AGAP1: variants seen among roughly 807,000 people sequenced by gnomAD.
The protein encoded by AGAP1 is arf-GAP with GTPase, ANK repeat and PH domain-containing protein 1.
A neutral mutation model predicts 105.3 loss-of-function variants in AGAP1; 29 were observed. The ratio of observed to expected loss-of-function variants is 0.28; its 90% CI spans 0.21 to 0.38. The LOEUF (loss-of-function observed/expected upper bound fraction) is 0.38. Among genes scored for constraint, AGAP1 ranks in the 10% least tolerant of loss-of-function variants. The pLI is 1.00. For missense variants in AGAP1, 998 were observed against 1,165.1 expected, an observed-to-expected ratio of 0.86 and a Z score of 2.09; for synonymous variants, 509 against 485.9, an observed-to-expected ratio of 1.05 and a Z score of -0.63.
intron 1 of AGAP1, among the ~76,000 whole-genome samples, chr2:235,579,114 G>T (rs1057325916): frequency 2.0e-5 from 3 of 152,180 alleles, no homozygotes; most frequent in South Asian, 2.1e-4. Flanking sequence ...TGTCACAGTG[G>T]AGCGCTCATT....
At position 235,752,829 on chromosome 2, in the gene AGAP1, C is replaced by T. The variant is rs1264001492; in HGVS notation, c.673+2341C>T. 6.6e-6 allele frequency among the ~76,000 whole-genome samples: 1 copy of T among 152,168 alleles called. No homozygotes were observed. Among genetic ancestry groups the T allele is most frequent in the African/African-American group, 2.4e-5 (1 of 41,428 alleles). On this transcript the variant is annotated intron_variant, in intron 6 of 17. Transcript: ENST00000304032. This position sits in a 1 kb window ranked among gnomAD's most constrained non-coding sequence, Gnocchi z 4.3. ...TGATGCTGCCTTCCTGCCAAACAGC[C>T]TTTGTACGTTCTGGCTGCTCTAACA...
At chr2:235,502,790 T>G (rs1208388787) in intron 1 of AGAP1, among the ~76,000 whole-genome samples, 1 of 151,492 alleles carries the variant, frequency 6.6e-6, no homozygotes, top group Non-Finnish European at 1.5e-5. Flanking sequence ...TCACAAATGA[T>G]TTATGTTTGG....
rs938788620 is a variant in AGAP1 at position 235,744,419 on chromosome 2, C to T, written c.397-279C>T. On this transcript the variant is annotated intron_variant, in intron 4 of 17. Transcript: ENST00000304032. This position sits in a 1 kb window ranked among gnomAD's most constrained non-coding sequence, Gnocchi z 5.2. Reference sequence around the variant, plus strand: ...GGACAGGCCAGGAGCATGAGGACCGCGGGGACACTGTGTGGTTTGTGTCCT... The same window carrying T: ...GGACAGGCCAGGAGCATGAGGACCGTGGGGACACTGTGTGGTTTGTGTCCT... Among the ~76,000 whole-genome samples, 2 of 152,102 alleles carry T rather than the reference C, an allele frequency of 1.3e-5. No homozygotes were observed. The highest frequency in any genetic ancestry group is 4.8e-5 in the African/African-American group (2 of 41,422).
In AGAP1 at chr2:235,724,461, G is replaced by A; in HGVS notation, c.310+6817G>A. On this transcript the variant is annotated intron_variant, in intron 3 of 17. Transcript: ENST00000304032. The surrounding 1 kb of genome is among the most constrained non-coding windows in gnomAD (Gnocchi z 4.9). The stretch of plus-strand genomic sequence containing the variant: ...CTCATTCATTTTCCCGATAGAATAT[G>A]ATAGCTGAGGTAGCTGGAAGAGTAT... 6.6e-6 allele frequency among the ~76,000 whole-genome samples: 1 copy of A among 152,196 alleles called. No homozygotes were observed. The highest frequency in any genetic ancestry group is 6.5e-5 in the Admixed American group (1 of 15,282).
chr2:235,531,872 A>G (rs977953252), intron 1 of AGAP1, among the ~76,000 whole-genome samples: 1 of 152,050 alleles, frequency 6.6e-6, no homozygotes, highest in Non-Finnish European at 1.5e-5. Flanking sequence ...TTGGCCTCCC[A>G]AAATGCTGGG....
intron 11 of AGAP1, among the ~76,000 whole-genome samples, chr2:235,921,336 C>T (rs931124746): frequency 6.6e-6 from 1 of 152,160 alleles, no homozygotes; most frequent in African/African-American, 2.4e-5. Flanking sequence ...TATATCTTTT[C>T]TGTGGCCATA....
chr2:235,595,368 T>G (rs1945491875), intron 1 of AGAP1, among the ~76,000 whole-genome samples: 1 of 152,182 alleles, frequency 6.6e-6, no homozygotes, highest in Non-Finnish European at 1.5e-5. Flanking sequence ...ATAGGTCCAG[T>G]GGGCACTGAA....
rs1282605540 is a variant in AGAP1 at position 236,087,615 on chromosome 2, G to A, written c.2115-32577G>A. Among the ~76,000 whole-genome samples, 1 of 152,176 alleles carries A rather than the reference G, an allele frequency of 6.6e-6. No individual in the cohort carries two copies. The highest frequency in any genetic ancestry group is 1.5e-5 in the Non-Finnish European group (1 of 68,038). ...GTTCTGAATCAGGCCCCTTGGTTAAGCGTGATAACATGATCACCTGGTGTT... is the reference window on the plus strand; with the variant it reads ...GTTCTGAATCAGGCCCCTTGGTTAAACGTGATAACATGATCACCTGGTGTT... On this transcript the variant is annotated intron_variant, in intron 16 of 17. Transcript: ENST00000304032. The surrounding 1 kb of genome is among the most constrained non-coding windows in gnomAD (Gnocchi z 5.7).
At chr2:235,942,779 G>A (rs1044288761) in intron 12 of AGAP1, among the ~76,000 whole-genome samples, 1 of 152,068 alleles carries the variant, frequency 6.6e-6, no homozygotes, top group Admixed American at 6.6e-5. Context: ...GTTTGCAGCT[G>A]CAAATTTTCA....
At chr2:235,950,960 A>G (rs2053712154) in intron 12 of AGAP1, among the ~76,000 whole-genome samples, 1 of 146,240 alleles carries the variant, frequency 6.8e-6, no homozygotes, top group Non-Finnish European at 1.5e-5. Flanking sequence ...TAAAAATAAT[A>G]TGATAAAACT....
In AGAP1 at chr2:235,659,444, C is replaced by T. The variant is rs1407005454; in HGVS notation, c.164-49735C>T. Among the ~76,000 whole-genome samples, 1 of 152,160 alleles carries T rather than the reference C, an allele frequency of 6.6e-6. No homozygotes were observed. The highest frequency in any genetic ancestry group is 1.5e-5 in the Non-Finnish European group (1 of 68,032). ...CGTCAGCTGGGCAGGCTGAGCCTGT[C>T]ACCTTTTTCAAAATTTCCAACAACT... is the stretch of plus-strand genomic sequence containing the variant. On this transcript the variant is annotated intron_variant, in intron 1 of 17. Transcript: ENST00000304032. This position sits in a 1 kb window ranked among gnomAD's most constrained non-coding sequence, Gnocchi z 5.0.
rs1284107017 is a variant in AGAP1, at chr2:235,610,575, C to T, written c.164-98604C>T. ...CCCATCCTTATGACCTTGTCCAACC[C>T]TAATTACCTTCCAAAGATCCCACCT... On this transcript the variant is annotated intron_variant, in intron 1 of 17. Coordinates refer to ENST00000304032, the MANE Select transcript of AGAP1 (RefSeq NM_001037131.3). This position sits in a 1 kb window ranked among gnomAD's most constrained non-coding sequence, Gnocchi z 4.9. Among the ~76,000 whole-genome samples the T allele has an allele frequency of 1.3e-5, 2 of 152,150 alleles. No homozygotes were observed. The highest frequency in any genetic ancestry group is 1.3e-4 in the Admixed American group (2 of 15,268).
chr2:235,744,579 C>T lies in AGAP1; in HGVS notation c.397-119C>T. 8.1e-7 allele frequency: 1 copy of T among 1,239,246 alleles called. No homozygotes were observed. Among genetic ancestry groups the T allele is most frequent in the Middle Eastern group, 2.7e-4 (1 of 3,704 alleles). 76.8% of individuals were successfully genotyped at this position (1,239,246 alleles called of 1,614,324 possible). A position where few individuals can be genotyped will look rare whatever the true frequency, so the allele number is the denominator to read the frequency against. The stretch of plus-strand genomic sequence containing the variant: ...AAGTGACAGTCAAAAGTCAAGCACC[C>T]AGTGTGTGACCGAGGGGATTCCTGC... On this transcript the variant is annotated intron_variant, in intron 4 of 17. Transcript: ENST00000304032. This position sits in a 1 kb window ranked among gnomAD's most constrained non-coding sequence, Gnocchi z 5.2.
chr2:236,123,915 G>C lies in AGAP1; in HGVS notation c.2371-4G>C, dbSNP rs749694049. The C allele has an allele frequency of 3.7e-6, 6 of 1,612,214 alleles. No homozygotes were observed. The highest frequency in any genetic ancestry group is 5.1e-6 in the Non-Finnish European group (6 of 1,179,742). On this transcript the variant is annotated splice_polypyrimidine_tract_variant and splice_region_variant and intron_variant, in intron 17 of 17. Transcript: ENST00000304032. This position sits in a 1 kb window ranked among gnomAD's most constrained non-coding sequence, Gnocchi z 4.6. ...TACTAATGTGGGCTCCCTTACCTCC[G>C]CAGTACGGAGTGGACGTCACGGCCC...
rs150140363 is a variant in AGAP1 at position 235,988,894 on chromosome 2, G to A, written c.1645+20271G>A. ...CCCCCAGCAGGTAACTTGCTTCAGC[G>A]CCACTTTGCCTGGGTGCTGGTGATC... On this transcript the variant is annotated intron_variant, in intron 13 of 17. Coordinates refer to ENST00000304032, the MANE Select transcript of AGAP1 (RefSeq NM_001037131.3). This position sits in a 1 kb window ranked among gnomAD's most constrained non-coding sequence, Gnocchi z 4.7. 6.8e-4 allele frequency among the ~76,000 whole-genome samples: 104 copies of A among 152,196 alleles called. No homozygotes were observed. Among genetic ancestry groups the A allele is most frequent in the African/African-American group, 2.2e-3 (92 of 41,538 alleles).
intron 1 of AGAP1, 149 bp downstream of exon 1, chr2:235,494,998 G>C (rs1941249658): frequency 1.5e-6 from 1 of 687,330 alleles, no homozygotes. Flanking sequence ...TGCTTGTCTT[G>C]CAAGGCCGGG....
intron 16 of AGAP1, among the ~76,000 whole-genome samples, chr2:236,107,364 C>T (rs1304053626): frequency 6.6e-6 from 1 of 152,206 alleles, no homozygotes; most frequent in Non-Finnish European, 1.5e-5. Flanking sequence ...CACTAGCTAG[C>T]CTCACGCATC....
rs1323960068 is a variant in AGAP1 at position 236,001,395 on chromosome 2, CA to C, written c.1645+32773del. On this transcript the variant is annotated intron_variant, in intron 13 of 17. Transcript: ENST00000304032. This position sits in a 1 kb window ranked among gnomAD's most constrained non-coding sequence, Gnocchi z 4.7. The stretch of plus-strand genomic sequence containing the variant: ...CCACCCAGTCTCTGTGTCCTCTGCA[CA>C]GTAGGGAGCTGGGGAAGGTGTGTGG... Among the ~76,000 whole-genome samples, 1 of 152,172 alleles carries C rather than the reference CA, an allele frequency of 6.6e-6. No homozygotes were observed. Among genetic ancestry groups the C allele is most frequent in the Admixed American group, 6.5e-5 (1 of 15,282 alleles).
intron 1 of AGAP1, among the ~76,000 whole-genome samples, chr2:235,562,391 C>T (rs574578354): frequency 2.1e-4 from 32 of 152,046 alleles, no homozygotes; most frequent in Non-Finnish European, 4.1e-4. Context: ...TTCCCCGAAG[C>T]CCCCTCCCTC....
Sources: gnomAD v4.1 joint callset for allele counts (sites outside exome capture counted in the v4.1 genomes callset) on GRCh38, gnomAD v4.1.1 for gene constraint, Gnocchi (gnomAD v3.1) non-coding constraint, MANE v1.5 for transcripts, NCBI Gene and HGNC (gene_info 2026-07-23, HGNC 2026-07-21) for gene names.